TMEM178B: variants seen among roughly 807,000 people sequenced by gnomAD.
The protein encoded by TMEM178B is transmembrane protein 178B.
A neutral mutation model predicts 31.0 loss-of-function variants in TMEM178B; 5 were observed. That is an observed-to-expected ratio of 0.16 (90% confidence interval 0.08 to 0.34). The LOEUF (loss-of-function observed/expected upper bound fraction) is 0.34. TMEM178B is among the 10% of genes least tolerant of loss of function. The pLI is 1.00. For missense variants in TMEM178B, 275 were observed against 400.3 expected (o/e 0.69, Z 2.67); for synonymous variants, 164 against 164.0 (o/e 1.00, Z 0.00).
chr7:141,456,403 A>C (rs1353109969), intron 3 of TMEM178B, among the ~76,000 whole-genome samples: 1 of 151,942 alleles, frequency 6.6e-6, no homozygotes, highest in African/African-American at 2.4e-5. Context: ...ACAAAACCAC[A>C]CCCTTGTATG....
intron 3 of TMEM178B, among the ~76,000 whole-genome samples, chr7:141,447,017 T>C (rs1317377177): frequency 1.3e-5 from 2 of 152,092 alleles, no homozygotes; most frequent in Non-Finnish European, 2.9e-5. Flanking sequence ...CTCCGACTGA[T>C]CACCCGTACT....
chr7:141,170,804 T>C (rs939560902), intron 1 of TMEM178B, among the ~76,000 whole-genome samples: 1 of 152,240 alleles, frequency 6.6e-6, no homozygotes, highest in African/African-American at 2.4e-5. Flanking sequence ...CCAGCCCCTG[T>C]TGGTCAGGTC....
chr7:141,143,748 C>A (rs184652549), intron 1 of TMEM178B, among the ~76,000 whole-genome samples: 7 of 151,920 alleles, frequency 4.6e-5, no homozygotes, highest in South Asian at 2.1e-4. Flanking sequence ...TTCTAGTCTG[C>A]GAAAAATGAC....
At chr7:141,136,359 C>G (rs1392826713) in intron 1 of TMEM178B, among the ~76,000 whole-genome samples, 1 of 152,064 alleles carries the variant, frequency 6.6e-6, no homozygotes, top group Non-Finnish European at 1.5e-5. Flanking sequence ...CTATGTCTCA[C>G]CATATACAAA....
chr7:141,215,856 TC>T lies in TMEM178B; in HGVS notation c.496+3153del, dbSNP rs748614568. On this transcript the variant is annotated intron_variant, in intron 2 of 3. Coordinates refer to ENST00000565468, the MANE Select transcript of TMEM178B (RefSeq NM_001195278.2). Reference sequence around the variant, plus strand: ...TTTCTTTCTTTTCTTTTCTTTTCTTTCTCTTTCTTTCTTTTCCTCCTTCCTT... The same window carrying T: ...TTTCTTTCTTTTCTTTTCTTTTCTTTTCTTTCTTTCTTTTCCTCCTTCCTT... Among the ~76,000 whole-genome samples, 756 of 138,306 alleles carry T rather than the reference TC, an allele frequency of 5.5e-3. 22 individuals carry two copies. The highest frequency in any genetic ancestry group is 0.03 in the South Asian group (109 of 3,636). The allele number at this position is 138,306 out of a possible 152,430, so 90.7% of individuals were successfully genotyped here. A position where few individuals can be genotyped will look rare whatever the true frequency, so the allele number is the denominator to read the frequency against.
chr7:141,504,093 T>C, the TMEM178B span, among the ~76,000 whole-genome samples: 1 of 152,228 alleles, frequency 6.6e-6, no homozygotes, highest in Non-Finnish European at 1.5e-5. Flanking sequence ...TTGAACTAGA[T>C]AGATTTCCTC....
At chr7:141,202,182 GA>G (rs1362765415) in intron 1 of TMEM178B, among the ~76,000 whole-genome samples, 2 of 152,176 alleles carry the variant, frequency 1.3e-5, no homozygotes, top group African/African-American at 4.8e-5. Flanking sequence ...TTGTTAAAAT[GA>G]ATAACAGTAC....
intron 2 of TMEM178B, among the ~76,000 whole-genome samples, chr7:141,253,836 G>A (rs1451096763): frequency 6.6e-6 from 1 of 152,074 alleles, no homozygotes; most frequent in South Asian, 2.1e-4. Context: ...ACAGGCGTGA[G>A]CCACCGCGCC....
At chr7:141,446,650 C>T (rs535644620) in intron 3 of TMEM178B, among the ~76,000 whole-genome samples, 62 of 152,238 alleles carry the variant, frequency 4.1e-4, no homozygotes, top group African/African-American at 1.2e-3. Context: ...AGAACCAGTC[C>T]AGGACCAAAA....
In TMEM178B at chr7:141,112,487, C is replaced by G. The variant is rs1252325876; in HGVS notation, c.382+37795C>G. On this transcript the variant is annotated intron_variant, in intron 1 of 3. Transcript: ENST00000565468. ...CAGGTTGGTCTCAAACTTGTGGACT[C>G]AAGTGATCCTCCTGCCTTGGCTTCC... is the stretch of plus-strand genomic sequence containing the variant. Among the ~76,000 whole-genome samples the G allele has an allele frequency of 3.8e-4, 58 of 152,176 alleles. 1 individual carries two copies. Among genetic ancestry groups the G allele is most frequent in the Admixed American group, 3.8e-3 (58 of 15,282 alleles).
chr7:141,294,585 CTT>C (rs1432950919), intron 2 of TMEM178B, among the ~76,000 whole-genome samples: 2 of 152,192 alleles, frequency 1.3e-5, no homozygotes, highest in Non-Finnish European at 2.9e-5. Flanking sequence ...CAATTAAAGA[CTT>C]TATACATGGG....
intron 3 of TMEM178B, among the ~76,000 whole-genome samples, chr7:141,440,101 G>C (rs975282929): frequency 6.6e-6 from 1 of 152,346 alleles, no homozygotes; most frequent in Non-Finnish European, 1.5e-5. Flanking sequence ...ACCTTGGTGA[G>C]CACCCTCCCA....
intron 1 of TMEM178B, among the ~76,000 whole-genome samples, chr7:141,141,135 C>T (rs1275588822): frequency 6.6e-6 from 1 of 152,098 alleles, no homozygotes; most frequent in East Asian, 1.9e-4. Context: ...ATCATTTATT[C>T]ATATCAGTAT....
At chr7:141,153,434 C>A (rs1179288608) in intron 1 of TMEM178B, among the ~76,000 whole-genome samples, 2 of 152,130 alleles carry the variant, frequency 1.3e-5, no homozygotes, top group African/African-American at 2.4e-5. Flanking sequence ...TGGTAAGCAA[C>A]TTTGTTCAGG....
intron 2 of TMEM178B, among the ~76,000 whole-genome samples, chr7:141,330,960 A>G (rs1799289401): frequency 6.6e-6 from 1 of 152,218 alleles, no homozygotes; most frequent in African/African-American, 2.4e-5. Flanking sequence ...CTCATAGACT[A>G]GGTGTGAGAG....
At chr7:141,201,118 C>A (rs959874626) in intron 1 of TMEM178B, among the ~76,000 whole-genome samples, 1 of 152,168 alleles carries the variant, frequency 6.6e-6, no homozygotes, top group African/African-American at 2.4e-5. Flanking sequence ...CATGAAGGGG[C>A]AGAGTTGGCT....
the TMEM178B span, among the ~76,000 whole-genome samples, chr7:141,492,302 C>A: frequency 6.6e-6 from 1 of 152,308 alleles, no homozygotes; most frequent in East Asian, 1.9e-4. Context: ...CTTCCCTGAT[C>A]CCCCAAACAA....
intron 1 of TMEM178B, among the ~76,000 whole-genome samples, chr7:141,210,163 A>T (rs1312750275): frequency 6.6e-6 from 1 of 152,096 alleles, no homozygotes; most frequent in African/African-American, 2.4e-5. Context: ...CCACTTTCTC[A>T]TTAAAAAATA....
At chr7:141,395,732 C>G (rs1800625880) in intron 2 of TMEM178B, among the ~76,000 whole-genome samples, 1 of 152,080 alleles carries the variant, frequency 6.6e-6, no homozygotes, top group South Asian at 2.1e-4. Flanking sequence ...TATTCATGTG[C>G]TTATTTATAC....
Sources: allele counts gnomAD v4.1 joint callset (sites outside exome capture counted in the v4.1 genomes callset), GRCh38; gene constraint gnomAD v4.1.1; transcripts MANE v1.5; gene names NCBI Gene and HGNC (gene_info 2026-07-23, HGNC 2026-07-21).